Variants in GPLD1 observed in about 807,000 individuals in gnomAD.
GPLD1 encodes the protein phosphatidylinositol-glycan-specific phospholipase D.
A neutral mutation model predicts 112.6 loss-of-function variants in GPLD1; 84 were observed. The ratio of observed to expected loss-of-function variants is 0.75; its 90% confidence interval spans 0.63 to 0.89. The LOEUF is 0.89. Ranked by LOEUF, GPLD1 falls within the 40% of genes least tolerant of loss-of-function variation. The pLI is 0.00. For missense variants in GPLD1, 1,044 were observed against 1,051.5 expected, an observed-to-expected ratio of 0.99 and a Z score of 0.10; for synonymous variants, 386 against 403.8, an observed-to-expected ratio of 0.96 and a Z score of 0.53.
chr6:24,447,130 G>A lies in GPLD1; in HGVS notation c.1679-151C>T. ...TTATATGTCCCCATGCTGATCCCAG[G>A]ACCCCAATGTCATTGAATCTCACTC... On this transcript the variant is annotated intron_variant, in intron 17 of 24. Transcript: ENST00000230036. The A allele has an allele frequency of 2.3e-5, 14 of 602,768 alleles. No individual in the cohort carries two copies. The South Asian group carries it at 2.8e-4, about 12-fold the overall frequency. The allele number at this position is 602,768 out of a possible 1,614,324, so 37.3% of individuals were successfully genotyped here. A position where few individuals can be genotyped will look rare whatever the true frequency, so the allele number is the denominator to read the frequency against.
rs750882706 is a variant in GPLD1 at position 24,445,634 on chromosome 6, C to T, written c.1932G>A (p.Met644Ile). 1 of 1,612,794 alleles carries T rather than the reference C, an allele frequency of 6.2e-7. No homozygotes were observed. The highest frequency in any genetic ancestry group is 1.3e-5 in the African/African-American group (1 of 74,884). ...TGGAAAGGGAAGTACCCAGTTTCCC[C>T]ATTGCCTGTGAGACACAATAAATCA... ...SWFTISGDKAMGKLGTSLSSG... is the reference protein window; with the variant it reads ...SWFTISGDKAIGKLGTSLSSG... Residue 644 changes from methionine (M) to isoleucine (I), a missense_variant, in exon 20 of 25, where the codon ATG becomes ATA. Met to Ile is a conservative substitution (Grantham distance 10). Transcript: ENST00000230036.
In GPLD1 at chr6:24,472,585, C is replaced by A. The variant is rs368216690; in HGVS notation, c.542G>T (p.Arg181Leu). The change falls in exon 7 of 25, where the codon CGC becomes CTC. Residue 181 changes from arginine (R) to leucine (L), a missense_variant. Transcript: ENST00000230036. ...TTTAGATGTACATTGCTCTTACCAG[C>A]GTCGTGCAAGGTAATTAAAATTAAA... The part of the protein sequence containing the change: ...FEFNFNYLAR[R>L]WYVPVKDLLG... The A allele has an allele frequency of 6.3e-7, 1 of 1,576,270 alleles. No individual in the cohort carries two copies. Among genetic ancestry groups the A allele is most frequent in the Non-Finnish European group, 8.7e-7 (1 of 1,145,560 alleles).
intron 12 of GPLD1, among the ~76,000 whole-genome samples, chr6:24,458,101 T>C (rs1017729278): frequency 6.6e-6 from 1 of 150,390 alleles, no homozygotes; most frequent in Non-Finnish European, 1.5e-5. Flanking sequence ...AGATACTAGA[T>C]CCATCCAAGT....
At chr6:24,478,515 G>T (rs534680147) in intron 3 of GPLD1, among the ~76,000 whole-genome samples, 1 of 152,260 alleles carries the variant, frequency 6.6e-6, no homozygotes, top group East Asian at 1.9e-4. Flanking sequence ...TGTCCTTCCA[G>T]ACCCACTCCC....
At chr6:24,429,532 T>G (rs1762336883) in intron 24 of GPLD1, among the ~76,000 whole-genome samples, 1 of 152,204 alleles carries the variant, frequency 6.6e-6, no homozygotes, top group South Asian at 2.1e-4. Context: ...CTTCAAAACC[T>G]GCTGCAAGTT....
chr6:24,492,286 C>T (rs796804070), upstream of GPLD1, among the ~76,000 whole-genome samples: 5 of 151,860 alleles, frequency 3.3e-5, no homozygotes, highest in African/African-American at 1.2e-4. Flanking sequence ...GGGCAGATCA[C>T]CTGAGGTCAG....
At chr6:24,494,293 G>T (rs1764632240), upstream of GPLD1, among the ~76,000 whole-genome samples, 1 of 152,158 alleles carries the variant, frequency 6.6e-6, no homozygotes, top group Non-Finnish European at 1.5e-5. Context: ...CTGGACTAAG[G>T]TTAACCTGTC....
chr6:24,462,013 C>A (rs1763453809), intron 11 of GPLD1, among the ~76,000 whole-genome samples: 1 of 152,158 alleles, frequency 6.6e-6, no homozygotes, highest in South Asian at 2.1e-4. Context: ...AGGCTTCTGG[C>A]CCTTAACATT....
chr6:24,436,847 C>A, intron 21 of GPLD1, 111 bp from the exon 22 acceptor site: 1 of 1,064,210 alleles, frequency 9.4e-7, no homozygotes. Flanking sequence ...ATTAGTATCT[C>A]CTTTAGTCGG....
chr6:24,489,328 T>C (rs1259591110), intron 1 of GPLD1, 87 bp downstream of exon 1: 2 of 996,666 alleles, frequency 2.0e-6, no homozygotes, highest in Admixed American at 4.0e-5. Context: ...ACTGTATCAA[T>C]CCACGAGCGG....
chr6:24,475,426 G>A (rs1176001450), intron 4 of GPLD1, among the ~76,000 whole-genome samples, 195 bp from the exon 5 acceptor site: 1 of 151,924 alleles, frequency 6.6e-6, no homozygotes, highest in Non-Finnish European at 1.5e-5. Flanking sequence ...TGTAATCCCA[G>A]CTACTCAGGA....
intron 12 of GPLD1, among the ~76,000 whole-genome samples, chr6:24,458,660 C>A (rs1763339894): frequency 6.6e-6 from 1 of 152,108 alleles, no homozygotes; most frequent in Non-Finnish European, 1.5e-5. Flanking sequence ...GGGCGGATTA[C>A]CTAAGGTCAG....
At chr6:24,442,754 A>G (rs933103162) in intron 20 of GPLD1, among the ~76,000 whole-genome samples, 6 of 150,502 alleles carry the variant, frequency 4.0e-5, no homozygotes, top group African/African-American at 9.8e-5. Context: ...CAATTTTTAA[A>G]ATTTTTTGTA....
At chr6:24,445,294 T>G (rs918192235) in intron 20 of GPLD1, among the ~76,000 whole-genome samples, 1 of 152,218 alleles carries the variant, frequency 6.6e-6, no homozygotes, top group African/African-American at 2.4e-5. Context: ...CCCAAAGTGC[T>G]GGGATTACAG....
intron 11 of GPLD1, 90 bp downstream of exon 11, chr6:24,462,640 T>C (rs1292038347): frequency 1.2e-6 from 1 of 817,598 alleles, no homozygotes; most frequent in Non-Finnish European, 2.1e-6. Context: ...TACAGCTGTC[T>C]CTCAACAGAT....
intron 2 of GPLD1, among the ~76,000 whole-genome samples, chr6:24,482,805 A>T (rs1026252167): frequency 1.3e-5 from 2 of 152,106 alleles, no homozygotes; most frequent in African/African-American, 4.8e-5. Flanking sequence ...CAAAAAATTT[A>T]AAAATTAGCC....
chr6:24,488,356 G>C (rs1014365097), intron 1 of GPLD1, among the ~76,000 whole-genome samples: 1 of 151,624 alleles, frequency 6.6e-6, no homozygotes, highest in African/African-American at 2.4e-5. Flanking sequence ...AGCTTGCAGT[G>C]AGCCGAGATT....
At chr6:24,434,174 GATC>G (rs1581727921) in intron 22 of GPLD1, among the ~76,000 whole-genome samples, 2 of 152,130 alleles carry the variant, frequency 1.3e-5, no homozygotes, top group East Asian at 3.9e-4. Flanking sequence ...GAGGCAGGCG[GATC>G]ACTGGAGGTC....
At chr6:24,459,057 T>A (rs544117561) in intron 12 of GPLD1, among the ~76,000 whole-genome samples, 18 of 152,272 alleles carry the variant, frequency 1.2e-4, no homozygotes, top group African/African-American at 3.8e-4. Flanking sequence ...GTAACTCATA[T>A]TCCTTGTCCT....
Sources: allele counts gnomAD v4.1 joint callset (sites outside exome capture counted in the v4.1 genomes callset), GRCh38; gene constraint gnomAD v4.1.1; transcripts MANE v1.5; gene names NCBI Gene and HGNC (gene_info 2026-07-23, HGNC 2026-07-21).